UMAD1: variants seen among roughly 807,000 people sequenced by gnomAD.
The protein encoded by UMAD1 is UBAP1-MVB12-associated (UMA)-domain containing protein 1.
Under a neutral mutation model 6.1 loss-of-function variants are expected in UMAD1, and 8 were observed. The observed-to-expected ratio is 1.30, with a 90% CI of 0.76 to 2.35. UMAD1 has a LOEUF of 2.35. Ranked by LOEUF, UMAD1 falls within the 30% of genes most tolerant of loss-of-function variation. The pLI is 0.00. For synonymous variants in UMAD1, 56 were observed against 31.4 expected (o/e 1.78, Z -2.61); for missense variants, 130 against 78.4 (o/e 1.66, Z -2.49).
chr7:7,656,735 G>T (rs1484285176), intron 1 of UMAD1, among the ~76,000 whole-genome samples: 1 of 152,126 alleles, frequency 6.6e-6, no homozygotes, highest in Non-Finnish European at 1.5e-5. Flanking sequence ...ATTTGGTTTG[G>T]TTCCAAGTCT....
At chr7:7,651,337 G>T (rs1420482066) in intron 1 of UMAD1, among the ~76,000 whole-genome samples, 1 of 152,118 alleles carries the variant, frequency 6.6e-6, no homozygotes, top group Non-Finnish European at 1.5e-5. Flanking sequence ...CTTTTGGCTG[G>T]GGTTTGGGGT....
rs536272408 is a variant in UMAD1 at position 7,713,301 on chromosome 7, G to A, written c.82+39848G>A. 2.5e-3 allele frequency among the ~76,000 whole-genome samples: 377 copies of A among 152,018 alleles called. 1 individual carries two copies. The highest frequency in any genetic ancestry group is 8.5e-3 in the African/African-American group (351 of 41,476). ...GGAGGTTGTGGTGAGCTGAGATTGC[G>A]CCACTGCACTCCAGCCTGGGTGACA... On this transcript the variant is annotated intron_variant, in intron 2 of 3. Transcript: ENST00000682710.
At chr7:7,704,766 CAAAA>C (rs71011001) in intron 2 of UMAD1, among the ~76,000 whole-genome samples, 134 of 17,796 alleles carry the variant, frequency 7.5e-3, no homozygotes, top group South Asian at 0.012. Context: ...GACTCCATCT[CAAAA>C]AAAAAAAAAA....
At chr7:7,711,642 G>T (rs1269433047) in intron 2 of UMAD1, among the ~76,000 whole-genome samples, 1 of 151,906 alleles carries the variant, frequency 6.6e-6, no homozygotes, top group East Asian at 1.9e-4. Flanking sequence ...GTCATATGTG[G>T]TTTTTTTGCT....
chr7:7,718,928 C>T (rs2024374), intron 2 of UMAD1, among the ~76,000 whole-genome samples: 1 of 145,710 alleles, frequency 6.9e-6, no homozygotes, highest in Non-Finnish European at 1.5e-5. Flanking sequence ...TGATTTTGAC[C>T]ATCAGTTAAG....
intron 2 of UMAD1, among the ~76,000 whole-genome samples, chr7:7,706,641 C>T (rs897260949): frequency 4.6e-5 from 7 of 152,060 alleles, no homozygotes; most frequent in African/African-American, 1.4e-4. Flanking sequence ...AATAATAACT[C>T]ATTTACATAA....
intron 2 of UMAD1, among the ~76,000 whole-genome samples, chr7:7,708,280 C>G (rs1780656272): frequency 6.6e-6 from 1 of 152,158 alleles, no homozygotes; most frequent in Non-Finnish European, 1.5e-5. Context: ...TGATTTACAA[C>G]CCTCCCTTTC....
chr7:7,642,444 C>T (rs1052130201), intron 1 of UMAD1, among the ~76,000 whole-genome samples: 4 of 147,742 alleles, frequency 2.7e-5, no homozygotes, highest in South Asian at 2.2e-4. Flanking sequence ...CAGGTGTGAG[C>T]CTTGGTGCGT....
At chr7:7,751,167 A>G (rs1356019283) in intron 2 of UMAD1, among the ~76,000 whole-genome samples, 1 of 152,322 alleles carries the variant, frequency 6.6e-6, no homozygotes, top group Admixed American at 6.5e-5. Context: ...ATTACTTCAG[A>G]TTATGAAGTA....
intron 1 of UMAD1, among the ~76,000 whole-genome samples, chr7:7,649,985 C>T (rs187938481): frequency 6.6e-6 from 1 of 152,320 alleles, no homozygotes; most frequent in East Asian, 1.9e-4. Flanking sequence ...ACTTTCCAGC[C>T]TCTAGGACTG....
In UMAD1 at chr7:7,835,462, C is replaced by CTTTTTTTTTT. The variant is rs150411259; in HGVS notation, c.156+33748_156+33757dup. 2.7e-4 allele frequency among the ~76,000 whole-genome samples: 9 copies of CTTTTTTTTTT among 33,684 alleles called. 3 individuals carry two copies. The highest frequency in any genetic ancestry group is 4.5e-4 in the Non-Finnish European group (8 of 17,670). The allele number at this position is 33,684 out of a possible 152,430, so 22.1% of individuals were successfully genotyped here. ...CATTCATTCACTCATTGAAACAGCA[C>CTTTTTTTTTT]TTTTTTTTTTTTTTTTTTTTTTTTT... On this transcript the variant is annotated intron_variant, in intron 3 of 3. Coordinates refer to ENST00000682710, the MANE Select transcript of UMAD1 (RefSeq NM_001302348.2).
chr7:7,859,000 A>T (rs909984190), intron 3 of UMAD1, among the ~76,000 whole-genome samples: 1 of 152,224 alleles, frequency 6.6e-6, no homozygotes, highest in Non-Finnish European at 1.5e-5. Flanking sequence ...TCTAATGAAA[A>T]TACCCCCCAG....
At chr7:7,863,792 C>T (rs185466613) in intron 3 of UMAD1, among the ~76,000 whole-genome samples, 1 of 152,204 alleles carries the variant, frequency 6.6e-6, no homozygotes, top group Admixed American at 6.5e-5. Flanking sequence ...TCCCACTGTC[C>T]CATGTCTACA....
At chr7:7,815,916 T>G (rs1044776334) in intron 3 of UMAD1, among the ~76,000 whole-genome samples, 1 of 152,120 alleles carries the variant, frequency 6.6e-6, no homozygotes, top group African/African-American at 2.4e-5. Flanking sequence ...ACAATAGATA[T>G]CAGTGGAGGT....
intron 2 of UMAD1, among the ~76,000 whole-genome samples, chr7:7,800,451 T>A (rs1188301798): frequency 1.3e-5 from 2 of 152,208 alleles, no homozygotes; most frequent in South Asian, 2.1e-4. Context: ...ACTTTTTTTT[T>A]ATTGCAATAG....
intron 3 of UMAD1, among the ~76,000 whole-genome samples, chr7:7,862,830 C>CA (rs373009893): frequency 2.0e-5 from 3 of 152,024 alleles, no homozygotes; most frequent in African/African-American, 7.2e-5. Flanking sequence ...AAACAAAAAA[C>CA]AAAAAAACTA....
intron 3 of UMAD1, among the ~76,000 whole-genome samples, chr7:7,860,785 A>C (rs1381723916): frequency 1.1e-4 from 5 of 44,378 alleles, no homozygotes; most frequent in East Asian, 9.9e-4. Flanking sequence ...AAAAAAAAAA[A>C]AAATAACAAA....
intron 2 of UMAD1, chr7:7,742,312 C>T (rs1180093496): frequency 3.2e-6 from 2 of 630,278 alleles, no homozygotes; most frequent in East Asian, 3.1e-5. Context: ...CAGTGGTCAG[C>T]GGAAATTTGA....
At position 7,640,768 on chromosome 7, in the gene UMAD1, T is replaced by A; in HGVS notation, c.-117T>A. 1 of 244,050 alleles carries A rather than the reference T, an allele frequency of 4.1e-6. No homozygotes were observed. The highest frequency in any genetic ancestry group is 4.8e-5 in the South Asian group (1 of 21,042). 15.1% of individuals were successfully genotyped at this position (244,050 alleles called of 1,614,324 possible). On this transcript the variant is annotated 5_prime_UTR_variant, in exon 1 of 4. Transcript: ENST00000682710. The stretch of plus-strand genomic sequence containing the variant: ...CCCGGCGGTGACTTGACCCCGGAAG[T>A]GGGGTGTGAAGCTCCGGTGCTGGTG...
Sources: allele counts gnomAD v4.1 joint callset (sites outside exome capture counted in the v4.1 genomes callset), GRCh38; gene constraint gnomAD v4.1.1; transcripts MANE v1.5; gene names NCBI Gene and HGNC (gene_info 2026-07-23, HGNC 2026-07-21).